Variants in USP24 observed in about 807,000 individuals in gnomAD.
The protein encoded by USP24 is ubiquitin carboxyl-terminal hydrolase 24.
A neutral mutation model predicts 361.6 loss-of-function variants in USP24; 97 were observed. The ratio of observed to expected loss-of-function variants is 0.27; its 90% CI spans 0.23 to 0.32. The LOEUF (loss-of-function observed/expected upper bound fraction) is 0.32. Among genes scored for constraint, USP24 ranks in the 10% least tolerant of loss-of-function variants. The probability of loss-of-function intolerance (pLI) is 1.00; values close to 1 mark genes in which losing one functional copy is unlikely to be tolerated. For synonymous variants in USP24, 1,098 were observed against 1,124.6 expected, an observed-to-expected ratio of 0.98 and a Z score of 0.47; for missense variants, 2,353 against 3,165.6, an observed-to-expected ratio of 0.74 and a Z score of 6.16.
chr1:55,142,876 A>C, intron 22 of USP24, 81 bp from the exon 23 acceptor site: 2 of 1,429,334 alleles, frequency 1.4e-6, no homozygotes, highest in Admixed American at 2.6e-5. Flanking sequence ...CAAAATAAAG[A>C]AGCCAATTTT....
At position 55,072,089 on chromosome 1, in the gene USP24, T is replaced by G. The variant is rs115492519; in HGVS notation, c.7690-165A>C. ...CCCCCTCAACCCCTGTCCCTTTTTG[T>G]GACCAGACTGCCCAACCTGTATGAC... On this transcript the variant is annotated intron_variant, in intron 66 of 67. Transcript: ENST00000294383. 6.3e-3 allele frequency among the ~76,000 whole-genome samples: 954 copies of G among 152,246 alleles called. 7 individuals carry two copies. Among genetic ancestry groups the G allele is most frequent in the African/African-American group, 0.021 (882 of 41,542 alleles).
At chr1:55,144,570 A>G (rs957449422) in intron 20 of USP24, among the ~76,000 whole-genome samples, 7 of 152,220 alleles carry the variant, frequency 4.6e-5, no homozygotes, top group Non-Finnish European at 1.0e-4. Flanking sequence ...TAAAGAATAT[A>G]AACAAATGGC....
chr1:55,154,162 A>G lies in USP24; in HGVS notation c.1769T>C (p.Ile590Thr), dbSNP rs1647381495. ...GCACTTGATGATGTAGCTCCTCTTG[A>G]TTGCTTCTTTCACTGCATATGCATC... ...LSDAYAVKEA[I>T]KRSYIIKCIE... The change falls in exon 15 of 68, where the codon ATC becomes ACC. Residue 590 changes from isoleucine to threonine, a missense_variant. By Grantham distance (89) the Ile-to-Thr change is moderately conservative (BLOSUM62 -1). Transcript: ENST00000294383. The G allele has an allele frequency of 1.9e-6, 3 of 1,613,452 alleles. No homozygotes were observed. The highest frequency in any genetic ancestry group is 1.7e-5 in the Admixed American group (1 of 59,956).
At chr1:55,139,094 C>T in intron 24 of USP24, 84 bp from the exon 25 acceptor site, 1 of 1,244,350 alleles carries the variant, frequency 8.0e-7, no homozygotes, top group South Asian at 1.4e-5. Context: ...ACCAAAACCA[C>T]AATAACAGTT....
At chr1:55,075,359 A>G in intron 63 of USP24, 98 bp downstream of exon 63, 1 of 1,175,038 alleles carries the variant, frequency 8.5e-7, no homozygotes, top group South Asian at 1.4e-5. Flanking sequence ...CAGTCACTGT[A>G]GATCCCACCG....
At chr1:55,207,249 C>A (rs550057845) in intron 1 of USP24, among the ~76,000 whole-genome samples, 23 of 146,066 alleles carry the variant, frequency 1.6e-4, no homozygotes, top group Non-Finnish European at 2.8e-4. Context: ...AATGTTCAAC[C>A]AAAATTGACA....
At chr1:55,157,922 C>T (rs890089433) in intron 10 of USP24, among the ~76,000 whole-genome samples, 2 of 151,952 alleles carry the variant, frequency 1.3e-5, no homozygotes, top group Non-Finnish European at 2.9e-5. Flanking sequence ...GAACATCTAA[C>T]CCAAACCTCA....
chr1:55,184,342 C>A (rs965403517), intron 1 of USP24, among the ~76,000 whole-genome samples: 2 of 152,174 alleles, frequency 1.3e-5, no homozygotes, highest in African/African-American at 4.8e-5. Flanking sequence ...TAGGCACGAG[C>A]CACCACACCC....
At chr1:55,083,215 A>G in intron 58 of USP24, 57 bp downstream of exon 58, 1 of 1,545,052 alleles carries the variant, frequency 6.5e-7, no homozygotes, top group Non-Finnish European at 8.9e-7. Context: ...ACAAAAAGAA[A>G]CACAGCGGCT....
At chr1:55,096,650 A>G (rs1399498684) in intron 49 of USP24, 28 bp from the exon 50 acceptor site, 3 of 1,592,158 alleles carry the variant, frequency 1.9e-6, no homozygotes, top group African/African-American at 1.4e-5. Flanking sequence ...GACAAACATT[A>G]TAAGGTTAAA....
chr1:55,083,935 CA>C lies in USP24; in HGVS notation c.6766-48del, dbSNP rs780097342. The stretch of plus-strand genomic sequence containing the variant: ...TTACATGAAGAAAAAGAACGTAAGA[CA>C]GACATTTATAACAGGATTAATTTGA... On this transcript the variant is annotated intron_variant, in intron 56 of 67. Coordinates refer to ENST00000294383, the MANE Select transcript of USP24 (RefSeq NM_015306.3). The C allele has an allele frequency of 1.1e-5, 16 of 1,400,886 alleles. No individual in the cohort carries two copies. The South Asian group carries it at 1.9e-4, about 17-fold the overall frequency. The allele number at this position is 1,400,886 out of a possible 1,614,324, so 86.8% of individuals were successfully genotyped here. A position where few individuals can be genotyped will look rare whatever the true frequency, so the allele number is the denominator to read the frequency against.
chr1:55,145,840 A>AT (rs1647014055), intron 20 of USP24, among the ~76,000 whole-genome samples, 158 bp downstream of exon 20: 1 of 152,218 alleles, frequency 6.6e-6, no homozygotes. Context: ...GTAGAAAGGA[A>AT]TTTGAGTACT....
intron 7 of USP24, among the ~76,000 whole-genome samples, 200 bp from the exon 8 acceptor site, chr1:55,162,464 T>G (rs1648391691): frequency 6.6e-6 from 1 of 152,158 alleles, no homozygotes; most frequent in Non-Finnish European, 1.5e-5. Flanking sequence ...ATTATAGAAA[T>G]TTAATGTAAT....
In USP24 at chr1:55,147,638, A is replaced by C; in HGVS notation, c.2118+11T>G. On this transcript the variant is annotated intron_variant, in intron 18 of 67. Transcript: ENST00000294383. ...TTGTAAATCATGAAGCAAAAACACA[A>C]GGCCTGATACCTCCCGGTAAGTGTA... The C allele has an allele frequency of 6.3e-7, 1 of 1,582,448 alleles. No homozygotes were observed. Among genetic ancestry groups the C allele is most frequent in the South Asian group, 1.2e-5 (1 of 85,604 alleles).
intron 1 of USP24, among the ~76,000 whole-genome samples, chr1:55,200,800 G>A (rs1644549899): frequency 1.3e-5 from 2 of 152,274 alleles, no homozygotes; most frequent in East Asian, 1.9e-4. Flanking sequence ...CCTAAGTGAT[G>A]TAACAAAACT....
At chr1:55,169,545 A>G (rs1363957762) in intron 5 of USP24, among the ~76,000 whole-genome samples, 5 of 152,224 alleles carry the variant, frequency 3.3e-5, no homozygotes, top group African/African-American at 4.8e-5. Flanking sequence ...CAAACATTAA[A>G]GAGAAAGAAA....
chr1:55,092,171 T>C (rs1382488818), intron 53 of USP24, 45 bp from the exon 54 acceptor site: 11 of 1,239,090 alleles, frequency 8.9e-6, no homozygotes, highest in South Asian at 1.3e-5. Context: ...ACAGAAGTTT[T>C]ATAGATTATT....
chr1:55,095,849 CT>C (rs564413915), intron 50 of USP24, among the ~76,000 whole-genome samples: 62 of 152,208 alleles, frequency 4.1e-4, no homozygotes, highest in Non-Finnish European at 8.5e-4. Context: ...CCATAAGATG[CT>C]TAACTATAAT....
At chr1:55,127,968 C>T (rs1646483781) in intron 32 of USP24, among the ~76,000 whole-genome samples, 2 of 152,144 alleles carry the variant, frequency 1.3e-5, no homozygotes, top group African/African-American at 2.4e-5. Flanking sequence ...TTTACTCACA[C>T]GCTCCCAAAT....
Sources: allele counts gnomAD v4.1 joint callset (sites outside exome capture counted in the v4.1 genomes callset), GRCh38; gene constraint gnomAD v4.1.1; transcripts MANE v1.5; gene names NCBI Gene and HGNC (gene_info 2026-07-23, HGNC 2026-07-21).